Variants in TECRL observed in about 807,000 individuals in gnomAD.
TECRL encodes the protein trans-2,3-enoyl-CoA reductase like.
In TECRL, 63 loss-of-function variants were observed where a neutral mutation model predicts 52.8. That is an observed-to-expected ratio of 1.19 (90% CI 0.97 to 1.47). The LOEUF (loss-of-function observed/expected upper bound fraction) is 1.47, where lower values mean the gene tolerates loss of function less well. TECRL is among the 40% of genes most tolerant of loss of function. The pLI, the probability that TECRL is intolerant of heterozygous loss-of-function variation, is 0.00. For synonymous variants in TECRL, 164 were observed against 141.9 expected (o/e 1.16, Z -1.10); for missense variants, 482 against 429.6 (o/e 1.12, Z -1.08).
At chr4:64,408,018 T>C (rs1054021269) in intron 1 of TECRL, among the ~76,000 whole-genome samples, 15 of 151,734 alleles carry the variant, frequency 9.9e-5, no homozygotes, top group African/African-American at 3.6e-4. Flanking sequence ...AGAAATGGTT[T>C]TAGATCTTTT....
chr4:64,325,858 T>G (rs1449633070), intron 3 of TECRL, among the ~76,000 whole-genome samples: 3 of 152,066 alleles, frequency 2.0e-5, no homozygotes, highest in African/African-American at 7.2e-5. Context: ...TATGAGATTT[T>G]GAAAAAATGA....
At chr4:64,297,925 G>A (rs1019985119) in intron 8 of TECRL, among the ~76,000 whole-genome samples, 1 of 150,958 alleles carries the variant, frequency 6.6e-6, no homozygotes, top group Non-Finnish European at 1.5e-5. Flanking sequence ...GGACTAACAG[G>A]TCTTCTTTAT....
rs1722657248 is a variant in TECRL, at chr4:64,278,461, CTT to C, written c.*1609_*1610del. On this transcript the variant is annotated 3_prime_UTR_variant, in exon 12 of 12. Coordinates refer to ENST00000381210, the MANE Select transcript of TECRL (RefSeq NM_001010874.5). Reference sequence around the variant, plus strand: ...AAATATTTACTTTAAAAATCAGATACTTTTTAAATTAAATTTTATTTTTTGAG... The same window carrying C: ...AAATATTTACTTTAAAAATCAGATACTTTAAATTAAATTTTATTTTTTGAG... 1 of 247,514 alleles carries C rather than the reference CTT, an allele frequency of 4.0e-6. No individual in the cohort carries two copies. The highest frequency in any genetic ancestry group is 2.3e-5 in the African/African-American group (1 of 43,056). The allele number at this position is 247,514 out of a possible 1,614,324, so 15.3% of individuals were successfully genotyped here. A position where few individuals can be genotyped will look rare whatever the true frequency, so the allele number is the denominator to read the frequency against.
At chr4:64,361,493 C>T (rs1260129123) in intron 2 of TECRL, among the ~76,000 whole-genome samples, 1 of 152,134 alleles carries the variant, frequency 6.6e-6, no homozygotes, top group African/African-American at 2.4e-5. Flanking sequence ...TTGGGAACAT[C>T]TTGGACCCTC....
In TECRL at chr4:64,322,453, TA is replaced by T. The variant is rs77102922; in HGVS notation, c.435+235del. 5.8e-3 allele frequency among the ~76,000 whole-genome samples: 669 copies of T among 114,608 alleles called. 2 individuals carry two copies. The highest frequency in any genetic ancestry group is 0.015 in the East Asian group (59 of 4,016). The allele number at this position is 114,608 out of a possible 152,430, so 75.2% of individuals were successfully genotyped here. ...TCCCAGTAATAGAGTGGGTTGACTT[TA>T]AAAAAAAAAAAAAAAAAAAAAGGAA... On this transcript the variant is annotated intron_variant, in intron 4 of 11. Coordinates refer to ENST00000381210, the MANE Select transcript of TECRL (RefSeq NM_001010874.5).
In TECRL at chr4:64,360,313, A is replaced by T. The variant is rs188339633; in HGVS notation, c.286+14859T>A. ...CAAATGAATCATTATTTTATCTGCA[A>T]TTTTAAAGTTGAGTAATAATTTCTT... On this transcript the variant is annotated intron_variant, in intron 2 of 11. Transcript: ENST00000381210. Among the ~76,000 whole-genome samples, 43 of 152,296 alleles carry T rather than the reference A, an allele frequency of 2.8e-4. No homozygotes were observed. In the East Asian group the frequency reaches 7.7e-3, roughly 27 times the overall value.
chr4:64,402,704 A>G (rs1724436892), intron 1 of TECRL, among the ~76,000 whole-genome samples: 1 of 152,158 alleles, frequency 6.6e-6, no homozygotes, highest in Non-Finnish European at 1.5e-5. Context: ...ATGTTGACAC[A>G]TGTAGTAATA....
intron 2 of TECRL, among the ~76,000 whole-genome samples, chr4:64,372,102 C>T (rs1303218113): frequency 6.6e-6 from 1 of 151,706 alleles, no homozygotes; most frequent in Admixed American, 6.6e-5. Flanking sequence ...CTATGGAATA[C>T]TTGTGAGCAG....
At chr4:64,368,348 T>A (rs552625846) in intron 2 of TECRL, among the ~76,000 whole-genome samples, 74 of 152,190 alleles carry the variant, frequency 4.9e-4, no homozygotes, top group Admixed American at 1.3e-3. Flanking sequence ...CAGGCTGGAG[T>A]GCAATGGCAT....
Position 64,280,183 on chromosome 4 carries a change from A to G in TECRL, c.981T>C (p.Leu327=). The change falls in exon 12 of 12, where the codon CTT becomes CTC. Residue 327 remains leucine (L), a synonymous_variant. Coordinates refer to ENST00000381210, the MANE Select transcript of TECRL (RefSeq NM_001010874.5). ...ACAAAGACATCTGGATACTCATCAG[A>G]AGTGTAAAAATTCCAACTAGAAGAA... ...TQTLPVGIFT[L]LMSIQMSLWA... 6.5e-7 allele frequency: 1 copy of G among 1,532,562 alleles called. No individual in the cohort carries two copies. The highest frequency in any genetic ancestry group is 8.7e-7 in the Non-Finnish European group (1 of 1,143,558). 94.9% of individuals were successfully genotyped at this position (1,532,562 alleles called of 1,614,324 possible). A position where few individuals can be genotyped will look rare whatever the true frequency, so the allele number is the denominator to read the frequency against.
At chr4:64,324,961 G>T (rs964754879) in intron 3 of TECRL, among the ~76,000 whole-genome samples, 1 of 151,970 alleles carries the variant, frequency 6.6e-6, no homozygotes, top group Non-Finnish European at 1.5e-5. Flanking sequence ...AAATTATATT[G>T]CATGGCTTTA....
intron 2 of TECRL, among the ~76,000 whole-genome samples, chr4:64,339,525 T>G (rs2110069772): frequency 6.6e-6 from 1 of 152,156 alleles, no homozygotes; most frequent in African/African-American, 2.4e-5. Flanking sequence ...CTATCTAATA[T>G]TATTTCTTCT....
intron 8 of TECRL, among the ~76,000 whole-genome samples, chr4:64,296,511 T>C (rs906346303): frequency 1.3e-5 from 2 of 151,894 alleles, no homozygotes; most frequent in South Asian, 2.1e-4. Context: ...TTGTAAGCCA[T>C]ATCTTATATG....
intron 2 of TECRL, among the ~76,000 whole-genome samples, chr4:64,353,448 G>A (rs1002176247): frequency 3.9e-5 from 6 of 152,090 alleles, no homozygotes; most frequent in Non-Finnish European, 5.9e-5. Context: ...TTATAATTAA[G>A]GTAATGTACT....
At chr4:64,378,467 TG>T (rs1722552657) in intron 1 of TECRL, among the ~76,000 whole-genome samples, 1 of 152,038 alleles carries the variant, frequency 6.6e-6, no homozygotes, top group African/African-American at 2.4e-5. Context: ...TGCTGGAACC[TG>T]GGTGACAGAG....
At chr4:64,342,318 T>C (rs898665379) in intron 2 of TECRL, among the ~76,000 whole-genome samples, 4 of 152,160 alleles carry the variant, frequency 2.6e-5, no homozygotes, top group Non-Finnish European at 1.5e-5. Context: ...CACTAGTATA[T>C]GCAGTGATTG....
At chr4:64,327,117 C>T (rs527625670) in intron 3 of TECRL, among the ~76,000 whole-genome samples, 1 of 152,080 alleles carries the variant, frequency 6.6e-6, no homozygotes, top group South Asian at 2.1e-4. Context: ...ATGAGAGGGT[C>T]AATCAAATGT....
chr4:64,374,052 C>CATATATATATATATATTATATACATAT (rs1722180812), intron 2 of TECRL, among the ~76,000 whole-genome samples: 1 of 106,014 alleles, frequency 9.4e-6, no homozygotes, highest in African/African-American at 4.2e-5. Flanking sequence ...ATAGTAGATA[C>CATATATATATATATATTATATACATAT]ATATATATAT....
intron 1 of TECRL, among the ~76,000 whole-genome samples, chr4:64,401,169 C>G (rs552605967): frequency 3.5e-4 from 54 of 152,180 alleles, no homozygotes; most frequent in Non-Finnish European, 6.2e-4. Context: ...TTCTGAAAGG[C>G]AGATCTGAAA....
Sources: allele counts gnomAD v4.1 joint callset (sites outside exome capture counted in the v4.1 genomes callset), GRCh38; gene constraint gnomAD v4.1.1; transcripts MANE v1.5; gene names NCBI Gene and HGNC (gene_info 2026-07-23, HGNC 2026-07-21).